Variants in OTOGL observed in about 807,000 individuals in gnomAD.
The protein encoded by OTOGL is otogelin like.
In OTOGL, 285 loss-of-function variants were observed where a neutral mutation model predicts 318.5. The ratio of observed to expected loss-of-function variants is 0.89; its 90% confidence interval spans 0.81 to 0.99. The LOEUF is 0.99. Among genes scored for constraint, OTOGL ranks in the 50% least tolerant of loss-of-function variants. The pLI is 0.00. For missense variants in OTOGL, 2,899 were observed against 2,845.6 expected, an observed-to-expected ratio of 1.02 and a Z score of -0.43; for synonymous variants, 987 against 936.5, an observed-to-expected ratio of 1.05 and a Z score of -0.99.
chr12:80,182,496 A>T (rs1458829299), intron 1 of OTOGL, among the ~76,000 whole-genome samples: 1 of 152,238 alleles, frequency 6.6e-6, no homozygotes, highest in Admixed American at 6.5e-5. Context: ...ACTATAAGAG[A>T]TGAATTAAAA....
rs1015841538 is a variant in OTOGL at position 80,288,899 on chromosome 12, G to A, written c.2929-7928G>A. On this transcript the variant is annotated intron_variant, in intron 26 of 58. Coordinates refer to ENST00000547103, the MANE Select transcript of OTOGL (RefSeq NM_001378609.3). ...TACCCACTTCCTGAAGCCTACTTCTGTCAATTCATCAAACTCATTCTCTGT... is the reference window on the plus strand; with the variant it reads ...TACCCACTTCCTGAAGCCTACTTCTATCAATTCATCAAACTCATTCTCTGT... Among the ~76,000 whole-genome samples, 5 of 152,098 alleles carry A rather than the reference G, an allele frequency of 3.3e-5. No individual in the cohort carries two copies. In the South Asian group the frequency reaches 6.2e-4, roughly 19 times the overall value.
At chr12:80,172,847 A>G (rs968985888) in intron 1 of OTOGL, among the ~76,000 whole-genome samples, 1 of 152,166 alleles carries the variant, frequency 6.6e-6, no homozygotes, top group Non-Finnish European at 1.5e-5. Flanking sequence ...AAAAAACCAA[A>G]CACTGCATGT....
At chr12:80,319,383 T>C (rs1056911779) in intron 33 of OTOGL, among the ~76,000 whole-genome samples, 1 of 152,164 alleles carries the variant, frequency 6.6e-6, no homozygotes, top group Non-Finnish European at 1.5e-5. Context: ...AGCTTAGGAA[T>C]TTATTTGTTG....
rs749075391 is a variant in OTOGL, at chr12:80,377,103, T to C, written c.6782-20T>C. 2 of 1,561,888 alleles carry C rather than the reference T, an allele frequency of 1.3e-6. No homozygotes were observed. The highest frequency in any genetic ancestry group is 1.2e-5 in the South Asian group (1 of 85,120). On this transcript the variant is annotated intron_variant, in intron 57 of 58. Transcript: ENST00000547103. ...TTAACGTAGGCCTTTGATGAATAAA[T>C]ACATTTTATATTTTATCAGGCAAAC...
chr12:80,149,927 G>A (rs913865301), intron 1 of OTOGL, among the ~76,000 whole-genome samples: 12 of 152,138 alleles, frequency 7.9e-5, no homozygotes, highest in African/African-American at 2.2e-4. Context: ...CACGGTGCGC[G>A]CACCCACTGA....
intron 49 of OTOGL, among the ~76,000 whole-genome samples, chr12:80,357,909 C>T (rs140588857): frequency 7.0e-4 from 107 of 152,074 alleles, no homozygotes; most frequent in African/African-American, 2.4e-3. Context: ...ATTTTCATCC[C>T]TAAATGAGAG....
Position 80,380,196 on chromosome 12 carries a change from G to A in OTOGL, c.*2148G>A, listed in dbSNP as rs556401315. 71 of 152,050 alleles carry A rather than the reference G, an allele frequency of 4.7e-4. No individual in the cohort carries two copies. Among genetic ancestry groups the A allele is most frequent in the African/African-American group, 1.6e-3 (66 of 41,520 alleles). 9.4% of individuals were successfully genotyped at this position (152,050 alleles called of 1,614,324 possible). Reference sequence around the variant, plus strand: ...GATAGGAGTTACAAAAGAAAATAGGGAAGAAATCTTAGATTGGGGAGAGCC... The same window carrying A: ...GATAGGAGTTACAAAAGAAAATAGGAAAGAAATCTTAGATTGGGGAGAGCC... On this transcript the variant is annotated 3_prime_UTR_variant, in exon 59 of 59. Coordinates refer to ENST00000547103, the MANE Select transcript of OTOGL (RefSeq NM_001378609.3).
chr12:80,113,867 A>G (rs1222855467), intron 1 of OTOGL, among the ~76,000 whole-genome samples: 2 of 152,096 alleles, frequency 1.3e-5, no homozygotes, highest in Non-Finnish European at 1.5e-5. Context: ...CTTTACCACA[A>G]TGTGATGCCC....
chr12:80,377,959 T>C lies in OTOGL; in HGVS notation c.6973T>C (p.Leu2325=). The change falls in exon 59 of 59, where the codon TTG becomes CTG. Residue 2325 remains leucine, a synonymous_variant. Transcript: ENST00000547103. ...KCCRENGVRN[L]SVPLYCSGNG... ...TTGTCGTGAAAATGGAGTACGAAAC[T>C]TGTCTGTGCCTCTGTATTGCTCAGG... 6.2e-7 allele frequency: 1 copy of C among 1,608,434 alleles called. No individual in the cohort carries two copies. The highest frequency in any genetic ancestry group is 1.1e-5 in the South Asian group (1 of 89,988).
At chr12:80,175,526 A>C (rs190298516) in intron 1 of OTOGL, among the ~76,000 whole-genome samples, 8 of 152,306 alleles carry the variant, frequency 5.3e-5, no homozygotes, top group Non-Finnish European at 7.4e-5. Flanking sequence ...ACAGAGCATA[A>C]AAGGAATAAG....
At chr12:80,283,298 C>T (rs879861894) in intron 26 of OTOGL, among the ~76,000 whole-genome samples, 6 of 151,932 alleles carry the variant, frequency 3.9e-5, no homozygotes, top group Non-Finnish European at 8.8e-5. Context: ...CTTCCAATAG[C>T]GTCATAAAGT....
At chr12:80,366,665 T>A (rs556121971) in intron 53 of OTOGL, 28 bp downstream of exon 53, 2 of 1,081,688 alleles carry the variant, frequency 1.8e-6, no homozygotes, top group African/African-American at 3.4e-5. Context: ...AACTTTTAAA[T>A]TATAAATGAA....
At chr12:80,144,733 A>T (rs1482792124) in intron 1 of OTOGL, among the ~76,000 whole-genome samples, 12 of 152,190 alleles carry the variant, frequency 7.9e-5, no homozygotes, top group African/African-American at 1.7e-4. Context: ...TCCTGACTTT[A>T]TAATGATTGC....
At chr12:80,232,829 A>G in intron 8 of OTOGL, 63 bp from the exon 9 acceptor site, 2 of 1,355,658 alleles carry the variant, frequency 1.5e-6, no homozygotes, top group Non-Finnish European at 2.0e-6. Flanking sequence ...TCACTTAAAA[A>G]TATGTCATCT....
intron 44 of OTOGL, among the ~76,000 whole-genome samples, chr12:80,344,796 A>T (rs1889053902): frequency 1.3e-5 from 2 of 150,446 alleles, no homozygotes; most frequent in Non-Finnish European, 1.5e-5. Flanking sequence ...CAAGATCCTC[A>T]TTAAACCCAT....
intron 32 of OTOGL, 79 bp from the exon 33 acceptor site, chr12:80,318,467 A>G: frequency 9.8e-7 from 1 of 1,021,200 alleles, no homozygotes. Flanking sequence ...TTTTGTTATT[A>G]AAACATTTCT....
At chr12:80,127,742 T>G (rs1024424887) in intron 1 of OTOGL, among the ~76,000 whole-genome samples, 1 of 152,192 alleles carries the variant, frequency 6.6e-6, no homozygotes, top group Non-Finnish European at 1.5e-5. Flanking sequence ...CTCATTTCTT[T>G]TTATTCTTTT....
At chr12:80,232,392 T>A (rs191874653) in intron 8 of OTOGL, among the ~76,000 whole-genome samples, 1 of 152,348 alleles carries the variant, frequency 6.6e-6, no homozygotes, top group Admixed American at 6.5e-5. Flanking sequence ...TCATATTTCC[T>A]TATAGCCACG....
chr12:80,376,440 A>G (rs1314639903), intron 57 of OTOGL, among the ~76,000 whole-genome samples: 1 of 152,218 alleles, frequency 6.6e-6, no homozygotes, highest in Non-Finnish European at 1.5e-5. Flanking sequence ...GATTACATCC[A>G]CTATTATACA....
Sources: allele counts gnomAD v4.1 joint callset (sites outside exome capture counted in the v4.1 genomes callset), GRCh38; gene constraint gnomAD v4.1.1; transcripts MANE v1.5; gene names NCBI Gene and HGNC (gene_info 2026-07-23, HGNC 2026-07-21).